TMEM245: variants seen among roughly 807,000 people sequenced by gnomAD.
TMEM245 encodes the protein protein CG-2.
Under a neutral mutation model 101.2 loss-of-function variants are expected in TMEM245, and 69 were observed. That is an observed-to-expected ratio of 0.68 (90% CI 0.56 to 0.83). The LOEUF is 0.83. Ranked by LOEUF, TMEM245 falls within the 40% of genes least tolerant of loss-of-function variation. The pLI is 0.00. For missense variants in TMEM245, 1,075 were observed against 1,092.8 expected (o/e 0.98, Z 0.23); for synonymous variants, 537 against 449.8 (o/e 1.19, Z -2.45).
At chr9:109,103,212 A>C (rs1564208059) in intron 3 of TMEM245, among the ~76,000 whole-genome samples, 1 of 152,236 alleles carries the variant, frequency 6.6e-6, no homozygotes, top group Non-Finnish European at 1.5e-5. Context: ...CAGAATCCTA[A>C]AGAATATACC....
At chr9:109,104,380 C>A (rs527674713) in intron 3 of TMEM245, among the ~76,000 whole-genome samples, 1 of 151,764 alleles carries the variant, frequency 6.6e-6, no homozygotes, top group African/African-American at 2.4e-5. Flanking sequence ...TAAAGAGTAA[C>A]GAAATAAATG....
intron 10 of TMEM245, among the ~76,000 whole-genome samples, chr9:109,064,201 T>C (rs892808641): frequency 1.3e-5 from 2 of 152,250 alleles, no homozygotes; most frequent in Non-Finnish European, 2.9e-5. Context: ...AAAGCCTTAT[T>C]TGACTACCCA....
chr9:109,037,255 C>T (rs1234608693), intron 15 of TMEM245, among the ~76,000 whole-genome samples: 3 of 152,156 alleles, frequency 2.0e-5, no homozygotes, highest in African/African-American at 7.2e-5. Flanking sequence ...GGATGTAATC[C>T]CTCATGGACA....
At chr9:109,069,774 A>G (rs1446925420) in intron 9 of TMEM245, among the ~76,000 whole-genome samples, 1 of 152,176 alleles carries the variant, frequency 6.6e-6, no homozygotes, top group East Asian at 1.9e-4. Context: ...AAACTGCTCT[A>G]TACCTCCTTC....
At chr9:109,064,693 C>G (rs1369873015) in intron 9 of TMEM245, 126 bp from the exon 10 acceptor site, 1 of 657,096 alleles carries the variant, frequency 1.5e-6, no homozygotes, top group African/African-American at 1.8e-5. Context: ...TACACAGATA[C>G]CAAAGCATCA....
intron 3 of TMEM245, among the ~76,000 whole-genome samples, chr9:109,105,399 T>C (rs1258849868): frequency 6.6e-6 from 1 of 152,232 alleles, no homozygotes; most frequent in Non-Finnish European, 1.5e-5. Flanking sequence ...CATACACTGC[T>C]GGTAGAAATC....
At chr9:109,042,044 G>A (rs1828325833) in intron 14 of TMEM245, among the ~76,000 whole-genome samples, 1 of 152,100 alleles carries the variant, frequency 6.6e-6, no homozygotes, top group African/African-American at 2.4e-5. Context: ...GACTTTGGGA[G>A]TAAATTATTC....
chr9:109,056,730 C>G (rs1419328278), intron 12 of TMEM245, among the ~76,000 whole-genome samples: 2 of 152,148 alleles, frequency 1.3e-5, no homozygotes, highest in Non-Finnish European at 2.9e-5. Context: ...ATTCTACATG[C>G]AAGACACCAT....
intron 9 of TMEM245, among the ~76,000 whole-genome samples, chr9:109,068,011 C>T: frequency 6.6e-6 from 1 of 152,090 alleles, no homozygotes; most frequent in Non-Finnish European, 1.5e-5. Context: ...CAATCCCATC[C>T]CCACCTATCT....
chr9:109,091,459 C>T lies in TMEM245; in HGVS notation c.917-304G>A, dbSNP rs1358501881. On this transcript the variant is annotated intron_variant, in intron 4 of 17. Coordinates refer to ENST00000374586, the MANE Select transcript of TMEM245 (RefSeq NM_032012.4). ...TGAGAATTATAATTATCCCATAAAA[C>T]TTATTCAAACTATTTAAAGAAACAA... Among the ~76,000 whole-genome samples the T allele has an allele frequency of 2.0e-5, 3 of 152,246 alleles. No individual in the cohort carries two copies. The South Asian group carries it at 6.2e-4, about 32-fold the overall frequency.
rs564887783 is a variant in TMEM245 at position 109,106,052 on chromosome 9, G to A, written c.799+456C>T. 2.0e-3 allele frequency among the ~76,000 whole-genome samples: 307 copies of A among 152,170 alleles called. 3 individuals carry two copies. Among genetic ancestry groups the A allele is most frequent in the African/African-American group, 6.7e-3 (280 of 41,514 alleles). On this transcript the variant is annotated intron_variant, in intron 3 of 17. Coordinates refer to ENST00000374586, the MANE Select transcript of TMEM245 (RefSeq NM_032012.4). ...CTCCCAAAGTGCTGGGATTACAGACGTGAGCCACTGCGCACGGCCTGTAGG... is the reference window on the plus strand; with the variant it reads ...CTCCCAAAGTGCTGGGATTACAGACATGAGCCACTGCGCACGGCCTGTAGG...
chr9:109,036,080 A>T, intron 16 of TMEM245, 126 bp downstream of exon 16: 1 of 607,980 alleles, frequency 1.6e-6, no homozygotes, highest in South Asian at 3.9e-5. Context: ...ACAAAAGGCT[A>T]TTTCACTGAA....
At chr9:109,085,927 G>C in intron 7 of TMEM245, 70 bp downstream of exon 7, 1 of 1,511,420 alleles carries the variant, frequency 6.6e-7, no homozygotes, top group Non-Finnish European at 9.2e-7. Flanking sequence ...CAGAAACATA[G>C]AGTGAAAAAG....
chr9:109,088,605 A>G (rs112767254), intron 5 of TMEM245, among the ~76,000 whole-genome samples: 22,177 of 151,834 alleles, frequency 0.15, 1,845 homozygotes, highest in African/African-American at 0.2. Flanking sequence ...GGATCACGAG[A>G]TCAGGAGATC....
chr9:109,036,416 A>T, intron 15 of TMEM245, 36 bp from the exon 16 acceptor site: 1 of 1,537,934 alleles, frequency 6.5e-7, no homozygotes, highest in Non-Finnish European at 8.7e-7. Context: ...ACTTAACATC[A>T]TCAGCAAAAC....
chr9:109,088,113 G>C (rs1829893451), intron 5 of TMEM245, among the ~76,000 whole-genome samples: 1 of 152,210 alleles, frequency 6.6e-6, no homozygotes, highest in African/African-American at 2.4e-5. Flanking sequence ...TGTGAGGCTT[G>C]CCTTCAAGTT....
Position 109,090,248 on chromosome 9 carries a change from G to A in TMEM245, c.1150+674C>T, listed in dbSNP as rs150961138. On this transcript the variant is annotated intron_variant, in intron 5 of 17. Coordinates refer to ENST00000374586, the MANE Select transcript of TMEM245 (RefSeq NM_032012.4). ...TGCAATCCAGCCTGGGTGACAGAGC[G>A]AGACTCCGTCTCAAAAAAAAAACAA... Among the ~76,000 whole-genome samples, 163 of 151,824 alleles carry A rather than the reference G, an allele frequency of 1.1e-3. 3 individuals carry two copies. The South Asian group carries it at 0.026, about 24-fold the overall frequency.
rs751739620 is a variant in TMEM245, at chr9:109,083,901, C to CAAAAAAAAAAAAAAAAAAAAAAAA, written c.1344+2072_1344+2095dup. 9.3e-4 allele frequency among the ~76,000 whole-genome samples: 32 copies of CAAAAAAAAAAAAAAAAAAAAAAAA among 34,472 alleles called. 8 individuals carry two copies. Among genetic ancestry groups the CAAAAAAAAAAAAAAAAAAAAAAAA allele is most frequent in the South Asian group, 1.5e-3 (1 of 682 alleles). 22.6% of individuals were successfully genotyped at this position (34,472 alleles called of 152,430 possible). On this transcript the variant is annotated intron_variant, in intron 7 of 17. Coordinates refer to ENST00000374586, the MANE Select transcript of TMEM245 (RefSeq NM_032012.4). ...CAAAACCCCATCTCTACTAAAAATA[C>CAAAAAAAAAAAAAAAAAAAAAAAA]AAAAAAAAAAAAAAAAAAAAAAAAA...
rs1827432748 is a variant in TMEM245 at position 109,016,180 on chromosome 9, C to A, written c.*4280G>T. On this transcript the variant is annotated 3_prime_UTR_variant, in exon 18 of 18. Coordinates refer to ENST00000374586, the MANE Select transcript of TMEM245 (RefSeq NM_032012.4). ...AGTCTAAGGTCAAACAGTGTTTGTC[C>A]CCTTTTATAAATTCACAATGTGTAA... 6.6e-6 allele frequency: 1 copy of A among 152,424 alleles called. No individual in the cohort carries two copies. The highest frequency in any genetic ancestry group is 2.1e-4 in the South Asian group (1 of 4,822). The allele number at this position is 152,424 out of a possible 1,614,324, so 9.4% of individuals were successfully genotyped here.
Sources: gnomAD v4.1 joint callset for allele counts (sites outside exome capture counted in the v4.1 genomes callset) on GRCh38, gnomAD v4.1.1 for gene constraint, MANE v1.5 for transcripts, NCBI Gene and HGNC (gene_info 2026-07-23, HGNC 2026-07-21) for gene names.